The following USP6NL variants were observed in gnomAD, a reference collection of about 807,000 sequenced individuals.
The protein encoded by USP6NL is USP6 N-terminal-like protein.
A neutral mutation model predicts 61.9 loss-of-function variants in USP6NL; 26 were observed. That is an observed-to-expected ratio of 0.42 (90% CI 0.31 to 0.58). The LOEUF (loss-of-function observed/expected upper bound fraction) is 0.58, where lower values mean the gene tolerates loss of function less well. USP6NL is among the 20% of genes least tolerant of loss of function. The probability of loss-of-function intolerance (pLI) is 0.16; values close to 1 mark genes in which losing one functional copy is unlikely to be tolerated. For missense variants in USP6NL, 1,114 were observed against 1,034.3 expected, an observed-to-expected ratio of 1.08 and a Z score of -1.06; for synonymous variants, 432 against 390.1, an observed-to-expected ratio of 1.11 and a Z score of -1.27.
At position 11,463,975 on chromosome 10, in the gene USP6NL, T is replaced by A; in HGVS notation, c.1079-126A>T. The stretch of plus-strand genomic sequence containing the variant: ...AGATACACGCTGACATACAACACAC[T>A]GTCATACAACACACTGTTTATACCA... On this transcript the variant is annotated intron_variant, in intron 14 of 14. Coordinates refer to ENST00000609104, the MANE Select transcript of USP6NL (RefSeq NM_014688.5). This position sits in a 1 kb window ranked among gnomAD's most constrained non-coding sequence, Gnocchi z 6.3. The A allele has an allele frequency of 1.1e-6, 1 of 904,050 alleles. No homozygotes were observed. 56.0% of individuals were successfully genotyped at this position (904,050 alleles called of 1,614,324 possible).
Position 11,611,060 on chromosome 10 carries a change from C to T in USP6NL, c.-84+383G>A, listed in dbSNP as rs891082901. On this transcript the variant is annotated intron_variant, in intron 1 of 14. Transcript: ENST00000609104. The surrounding 1 kb of genome is among the most constrained non-coding windows in gnomAD (Gnocchi z 5.3). ...CAGTCATTTAAAGGCACGAAGTTTGCCCGGGTCCTGCCCACTGGGGCTCGG... is the reference window on the plus strand; with the variant it reads ...CAGTCATTTAAAGGCACGAAGTTTGTCCGGGTCCTGCCCACTGGGGCTCGG... Among the ~76,000 whole-genome samples the T allele has an allele frequency of 6.6e-6, 1 of 152,188 alleles. No homozygotes were observed. The highest frequency in any genetic ancestry group is 2.4e-5 in the African/African-American group (1 of 41,458).
rs1833954915 is a variant in USP6NL, at chr10:11,496,973, G to A, written c.385-3745C>T. Among the ~76,000 whole-genome samples, 1 of 151,572 alleles carries A rather than the reference G, an allele frequency of 6.6e-6. No individual in the cohort carries two copies. The highest frequency in any genetic ancestry group is 2.4e-5 in the African/African-American group (1 of 41,256). On this transcript the variant is annotated intron_variant, in intron 7 of 14. Coordinates refer to ENST00000609104, the MANE Select transcript of USP6NL (RefSeq NM_014688.5). The surrounding 1 kb of genome is among the most constrained non-coding windows in gnomAD (Gnocchi z 5.4). ...GACAGAGGAAGACATTTAGAGTATT[G>A]TATTAGATTCATATGGCCACTAAAA...
At position 11,495,511 on chromosome 10, in the gene USP6NL, T is replaced by C. The variant is rs578206548; in HGVS notation, c.385-2283A>G. On this transcript the variant is annotated intron_variant, in intron 7 of 14. Transcript: ENST00000609104. This position sits in a 1 kb window ranked among gnomAD's most constrained non-coding sequence, Gnocchi z 4.6. ...GAACTCCTAGGCTATCATCTAATTTTCTTGTATTTTTCTGTATTATTTTAC... is the reference window on the plus strand; with the variant it reads ...GAACTCCTAGGCTATCATCTAATTTCCTTGTATTTTTCTGTATTATTTTAC... Among the ~76,000 whole-genome samples the C allele has an allele frequency of 6.6e-6, 1 of 152,300 alleles. No homozygotes were observed. The highest frequency in any genetic ancestry group is 1.5e-5 in the Non-Finnish European group (1 of 68,020).
chr10:11,559,420 T>A (rs1836838511), intron 2 of USP6NL, among the ~76,000 whole-genome samples: 1 of 152,144 alleles, frequency 6.6e-6, no homozygotes, highest in Admixed American at 6.5e-5. Flanking sequence ...TCCAAACCAT[T>A]CAGTGATTCA....
rs377168113 is a variant in USP6NL at position 11,463,657 on chromosome 10, G to A, written c.1271C>T (p.Thr424Met). The A allele has an allele frequency of 4.4e-5, 71 of 1,613,938 alleles. No homozygotes were observed. The South Asian group carries it at 5.7e-4, about 13-fold the overall frequency. The change falls in exon 15 of 15, where the codon ACG becomes ATG. Residue 424 changes from threonine to methionine, a missense_variant. Coordinates refer to ENST00000609104, the MANE Select transcript of USP6NL (RefSeq NM_014688.5). This position sits in a 1 kb window ranked among gnomAD's most constrained non-coding sequence, Gnocchi z 6.3. ...TCTTGGCGGCTGTGCTCTCTCGGGC[G>A]TCCCGGTCCTGCTCTGGGGGTGCGG... ...HSPHPQSRTG[T>M]PERAQPPRRK...
At chr10:11,539,792 T>C (rs1835977722) in intron 2 of USP6NL, among the ~76,000 whole-genome samples, 2 of 152,256 alleles carry the variant, frequency 1.3e-5, no homozygotes, top group Admixed American at 1.3e-4. Context: ...ATAAACTGTT[T>C]ATTGAGAGGT....
rs1591842977 is a variant in USP6NL, at chr10:11,495,797, C to T, written c.385-2569G>A. On this transcript the variant is annotated intron_variant, in intron 7 of 14. Coordinates refer to ENST00000609104, the MANE Select transcript of USP6NL (RefSeq NM_014688.5). The surrounding 1 kb of genome is among the most constrained non-coding windows in gnomAD (Gnocchi z 4.6). ...TTCATTTGCTTCCACTTGTCTTTCA[C>T]GTTAGCTCCCTTCTTCAAATGAACA... 6.6e-6 allele frequency among the ~76,000 whole-genome samples: 1 copy of T among 152,182 alleles called. No individual in the cohort carries two copies. The highest frequency in any genetic ancestry group is 2.4e-5 in the African/African-American group (1 of 41,450).
In USP6NL at chr10:11,485,006, G is replaced by GT; in HGVS notation, c.889dup (p.Thr297AsnfsTer38). The GT allele has an allele frequency of 2.6e-6, 4 of 1,550,432 alleles. No homozygotes were observed. Among genetic ancestry groups the GT allele is most frequent in the Non-Finnish European group, 3.5e-6 (4 of 1,146,640 alleles). On this transcript the variant is annotated frameshift_variant, in exon 13 of 15. Coordinates refer to ENST00000609104, the MANE Select transcript of USP6NL (RefSeq NM_014688.5). LOFTEE classifies it high-confidence loss of function. The surrounding 1 kb of genome is among the most constrained non-coding windows in gnomAD (Gnocchi z 4.8). ...TTTTAAGATGGTGTAAGACATAGCA[G>GT]TAAGAACTCGTTCTCCTTCAAAGAT...
chr10:11,557,504 T>G (rs780979242), intron 2 of USP6NL, among the ~76,000 whole-genome samples: 3 of 152,236 alleles, frequency 2.0e-5, no homozygotes, highest in Non-Finnish European at 4.4e-5. Context: ...AAAGATGCCA[T>G]GATTTTAAAT....
chr10:11,500,701 G>C (rs559610864), intron 7 of USP6NL, among the ~76,000 whole-genome samples: 43 of 152,162 alleles, frequency 2.8e-4, no homozygotes, highest in Middle Eastern at 3.4e-3. Context: ...TGGTTAAACT[G>C]AATTCTGCTG....
chr10:11,567,038 G>A (rs566819004), intron 2 of USP6NL, among the ~76,000 whole-genome samples: 248 of 152,290 alleles, frequency 1.6e-3, no homozygotes, highest in Non-Finnish European at 3.1e-3. Context: ...CACTTGAGCC[G>A]AGGAGTTCAA....
chr10:11,469,446 G>T (rs147573953), intron 14 of USP6NL, among the ~76,000 whole-genome samples: 1 of 152,206 alleles, frequency 6.6e-6, no homozygotes, highest in East Asian at 1.9e-4. Context: ...AGCAGGGTTC[G>T]GGGGGGAAGA....
In USP6NL at chr10:11,475,118, G is replaced by A. The variant is rs73567384; in HGVS notation, c.1078+6652C>T. On this transcript the variant is annotated intron_variant, in intron 14 of 14. Coordinates refer to ENST00000609104, the MANE Select transcript of USP6NL (RefSeq NM_014688.5). ...GAATGACTTCCGTTAATTGACAAAA[G>A]TGCTGCCAAATGGCTTCATCTGAAT... Among the ~76,000 whole-genome samples, 1,291 of 152,258 alleles carry A rather than the reference G, an allele frequency of 8.5e-3. 18 individuals carry two copies. Among genetic ancestry groups the A allele is most frequent in the African/African-American group, 0.029 (1,218 of 41,532 alleles).
At position 11,532,301 on chromosome 10, in the gene USP6NL, C is replaced by T. The variant is rs1272706438; in HGVS notation, c.5-4734G>A. 7.4e-6 allele frequency: 10 copies of T among 1,351,066 alleles called. No individual in the cohort carries two copies. The highest frequency in any genetic ancestry group is 2.5e-5 in the East Asian group (1 of 39,384). The allele number at this position is 1,351,066 out of a possible 1,614,324, so 83.7% of individuals were successfully genotyped here. On this transcript the variant is annotated intron_variant, in intron 2 of 14. Transcript: ENST00000609104. This position sits in a 1 kb window ranked among gnomAD's most constrained non-coding sequence, Gnocchi z 4.1. ...TCTCGAACACACCAAGAGTGCTGCC[C>T]GGCGGTACCTCACACATTCTGCAAC... is the stretch of plus-strand genomic sequence containing the variant.
chr10:11,547,620 A>G (rs1027114259), intron 2 of USP6NL, among the ~76,000 whole-genome samples: 10 of 151,858 alleles, frequency 6.6e-5, no homozygotes, highest in South Asian at 2.1e-4. Context: ...GCTCACTGCA[A>G]GCTCCGCCTC....
chr10:11,525,361 C>T lies in USP6NL; in HGVS notation c.155+25G>A, dbSNP rs1205196201. ...CACAGAAACGTTATAATCTAAAAAG[C>T]AAGCTTTCAATCTATGTGACTTACT... On this transcript the variant is annotated intron_variant, in intron 4 of 14. Coordinates refer to ENST00000609104, the MANE Select transcript of USP6NL (RefSeq NM_014688.5). This position sits in a 1 kb window ranked among gnomAD's most constrained non-coding sequence, Gnocchi z 5.0. 3 of 1,559,568 alleles carry T rather than the reference C, an allele frequency of 1.9e-6. No individual in the cohort carries two copies. Among genetic ancestry groups the T allele is most frequent in the Non-Finnish European group, 2.6e-6 (3 of 1,156,136 alleles).
chr10:11,510,422 T>C lies in USP6NL; in HGVS notation c.196-747A>G, dbSNP rs1044495293. Among the ~76,000 whole-genome samples, 10 of 152,002 alleles carry C rather than the reference T, an allele frequency of 6.6e-5. No homozygotes were observed. Among genetic ancestry groups the C allele is most frequent in the African/African-American group, 2.2e-4 (9 of 41,372 alleles). On this transcript the variant is annotated intron_variant, in intron 5 of 14. Transcript: ENST00000609104. This position sits in a 1 kb window ranked among gnomAD's most constrained non-coding sequence, Gnocchi z 4.8. ...AGGCAGCCTTGAGAATGCATGTATT[T>C]CTGAGACAGCAGGGGCCGACAGCAG...
rs1170201834 is a variant in USP6NL at position 11,553,021 on chromosome 10, A to G, written c.5-25454T>C. Among the ~76,000 whole-genome samples, 4 of 152,146 alleles carry G rather than the reference A, an allele frequency of 2.6e-5. No individual in the cohort carries two copies. The highest frequency in any genetic ancestry group is 4.4e-5 in the Non-Finnish European group (3 of 68,030). ...TCCAATGTGTGTTCCTCTCTCTATG[A>G]CTATGTGTACCCATTGTTTCGCTCC... On this transcript the variant is annotated intron_variant, in intron 2 of 14. Coordinates refer to ENST00000609104, the MANE Select transcript of USP6NL (RefSeq NM_014688.5). The surrounding 1 kb of genome is among the most constrained non-coding windows in gnomAD (Gnocchi z 4.8).
rs1833189532 is a variant in USP6NL at position 11,481,318 on chromosome 10, C to CTG, written c.1078+450_1078+451dup. Among the ~76,000 whole-genome samples, 1 of 152,144 alleles carries CTG rather than the reference C, an allele frequency of 6.6e-6. No individual in the cohort carries two copies. The highest frequency in any genetic ancestry group is 1.5e-5 in the Non-Finnish European group (1 of 68,022). On this transcript the variant is annotated intron_variant, in intron 14 of 14. Transcript: ENST00000609104. The surrounding 1 kb of genome is among the most constrained non-coding windows in gnomAD (Gnocchi z 4.4). ...AGTCTCAGTAATGCTATTTGTGGTT[C>CTG]TGTGGCTTCATATTTAAGCCACTTA... is the stretch of plus-strand genomic sequence containing the variant.
Sources: allele counts gnomAD v4.1 joint callset (sites outside exome capture counted in the v4.1 genomes callset), GRCh38; gene constraint gnomAD v4.1.1; non-coding constraint Gnocchi (gnomAD v3.1); transcripts MANE v1.5; gene names NCBI Gene and HGNC (gene_info 2026-07-23, HGNC 2026-07-21).